Variants in RPS13 observed in about 807,000 individuals in gnomAD.
RPS13 encodes the protein ribosomal protein S13, also known as small ribosomal subunit protein uS15.
In RPS13, 1 loss-of-function variant was observed where a neutral mutation model predicts 24.6. That is an observed-to-expected ratio of 0.04 (90% CI 0.01 to 0.19). The LOEUF is 0.19. Ranked by LOEUF, RPS13 falls within the 10% of genes least tolerant of loss-of-function variation. The pLI is 1.00. For missense variants in RPS13, 88 were observed against 187.4 expected (o/e 0.47, Z 3.10); for synonymous variants, 69 against 65.3 (o/e 1.06, Z -0.27).
At position 17,075,315 on chromosome 11, in the gene RPS13, T is replaced by G; in HGVS notation, c.322-118A>C. The G allele has an allele frequency of 4.0e-6, 4 of 996,372 alleles. No individual in the cohort carries two copies. In the South Asian group the frequency reaches 6.5e-5, roughly 16 times the overall value. The allele number at this position is 996,372 out of a possible 1,614,324, so 61.7% of individuals were successfully genotyped here. A position where few individuals can be genotyped will look rare whatever the true frequency, so the allele number is the denominator to read the frequency against. ...TTTCTATAATGAAAATCTCTTTGGA[T>G]AGAATTTGAACTTCAAAGCAGCACT... On this transcript the variant is annotated intron_variant, in intron 4 of 5. Transcript: ENST00000525634.
Position 17,077,197 on chromosome 11 carries a change from G to C in RPS13, c.122C>G (p.Ala41Gly). The change falls in exon 3 of 6, where the codon GCC (alanine) becomes GGC (glycine). Residue 41 changes from alanine (A) to glycine (G), a missense_variant. Physicochemically the swap from Ala to Gly is moderately conservative, Grantham distance 60 (BLOSUM62 0). Transcript: ENST00000525634. ...DDVKEQIYKL[A>G]KKGLTPSQIG... ...CTGTGAAGGAGTAAGGCCCTTCTTG[G>C]CCAGTTTGTAAATCTGCTCCTTCAC... 6.2e-7 allele frequency: 1 copy of C among 1,613,666 alleles called. No individual in the cohort carries two copies. The highest frequency in any genetic ancestry group is 8.5e-7 in the Non-Finnish European group (1 of 1,179,740).
chr11:17,075,056 C>T (rs1049753921), intron 5 of RPS13, 41 bp downstream of exon 5: 6 of 1,349,448 alleles, frequency 4.4e-6, no homozygotes, highest in Non-Finnish European at 6.3e-6. Context: ...TACTGGCTGA[C>T]TCCTATTCTT....
intron 5 of RPS13, 24 bp downstream of exon 5, chr11:17,075,073 A>G (rs367892898): frequency 1.2e-5 from 18 of 1,504,626 alleles, no homozygotes; most frequent in East Asian, 2.3e-5. Context: ...TCTTGATAAC[A>G]ACGACAAAAG....
At chr11:17,075,344 C>T (rs775784642) in intron 4 of RPS13, 110 bp downstream of exon 4, 1 of 1,045,094 alleles carries the variant, frequency 9.6e-7, no homozygotes, top group Non-Finnish European at 1.4e-6. Context: ...CAGCACTACA[C>T]TGGTTTGTGT....
Position 17,075,531 on chromosome 11 carries a change from G to A in RPS13, c.244C>T (p.Pro82Ser), listed in dbSNP as rs1351451134. 6.2e-7 allele frequency: 1 copy of A among 1,605,638 alleles called. No individual in the cohort carries two copies. The highest frequency in any genetic ancestry group is 2.2e-5 in the East Asian group (1 of 44,818). ...TGGTAGAGATCTTCAGGAAGATCAGGAGCAAGTCCCTTAGACTTAAGAATT... is the reference window on the plus strand; with the variant it reads ...TGGTAGAGATCTTCAGGAAGATCAGAAGCAAGTCCCTTAGACTTAAGAATT... ...LRILKSKGLA[P>S]DLPEDLYHLI... The change falls in exon 4 of 6, where the codon CCT (proline) becomes TCT (serine). Residue 82 changes from proline (P) to serine (S), a missense_variant. Transcript: ENST00000525634.
At chr11:17,074,596 C>A (rs1251718908) in intron 5 of RPS13, 130 bp from the exon 6 acceptor site, 23 of 777,592 alleles carry the variant, frequency 3.0e-5, no homozygotes, top group Non-Finnish European at 5.0e-5. Flanking sequence ...ATAAAGTGCA[C>A]CAAACTTCTG....
At position 17,077,452 on chromosome 11, in the gene RPS13, G is replaced by T. The variant is rs748494500; in HGVS notation, c.49C>A (p.Pro17Thr). The change falls in exon 2 of 6, where the codon CCC (proline) becomes ACC (threonine). Residue 17 changes from proline (P) to threonine (T), a missense_variant. Pro to Thr is a conservative substitution (Grantham distance 38). Transcript: ENST00000525634. ...PGKGLSQSAL[P>T]YRRSVPTWLK... is the part of the protein sequence containing the mutation. ...ACAGTGGGGACGCTGCGTCGATAGGGTAAAGCCGACTGGGACAGGCCCTTC... is the reference window on the plus strand; with the variant it reads ...ACAGTGGGGACGCTGCGTCGATAGGTTAAAGCCGACTGGGACAGGCCCTTC... 1 of 1,613,340 alleles carries T rather than the reference G, an allele frequency of 6.2e-7. No homozygotes were observed. Among genetic ancestry groups the T allele is most frequent in the South Asian group, 1.1e-5 (1 of 91,056 alleles).
chr11:17,075,333 G>A, intron 4 of RPS13, 121 bp downstream of exon 4: 1 of 987,826 alleles, frequency 1.0e-6, no homozygotes, highest in Non-Finnish European at 1.5e-6. Context: ...GAACTTCAAA[G>A]CAGCACTACA....
intron 3 of RPS13, 81 bp from the exon 4 acceptor site, chr11:17,075,704 G>A (rs1848015148): frequency 1.7e-6 from 2 of 1,145,838 alleles, no homozygotes; most frequent in African/African-American, 1.5e-5. Flanking sequence ...AGAAATCAGG[G>A]CATAGTTTCC....
chr11:17,076,966 G>A (rs1848032639), intron 3 of RPS13: 1 of 572,504 alleles, frequency 1.7e-6, no homozygotes, highest in South Asian at 2.2e-5. Flanking sequence ...TGTAAACTGG[G>A]GTGAAAGCCA....
At chr11:17,075,374 A>G in intron 4 of RPS13, 80 bp downstream of exon 4, 1 of 1,191,854 alleles carries the variant, frequency 8.4e-7, no homozygotes, top group Non-Finnish European at 1.2e-6. Flanking sequence ...TGGATAATTC[A>G]AACCAGATGC....
At chr11:17,075,802 T>C (rs1461735796) in intron 3 of RPS13, 179 bp from the exon 4 acceptor site, 1 of 692,158 alleles carries the variant, frequency 1.4e-6, no homozygotes. Context: ...CAAGGAAGGT[T>C]TACCCAACAC....
chr11:17,077,127 G>T, intron 3 of RPS13, 41 bp downstream of exon 3: 1 of 1,446,684 alleles, frequency 6.9e-7, no homozygotes, highest in Non-Finnish European at 9.7e-7. Context: ...CAAGTCACAC[G>T]AGGACAGGCG....
In RPS13 at chr11:17,077,216, C is replaced by T; in HGVS notation, c.103G>A (p.Glu35Lys). ...WLKLTSDDVKEQIYKLAKKGL... is the reference protein window; with the variant it reads ...WLKLTSDDVKKQIYKLAKKGL... ...TTCTTGGCCAGTTTGTAAATCTGCT[C>T]CTTCACGTCGTCAGATGTCAACTTC... The change falls in exon 3 of 6, where the codon GAG (glutamate) becomes AAG (lysine). Residue 35 changes from glutamate to lysine, a missense_variant. Glu to Lys is a moderately conservative substitution (Grantham distance 56, BLOSUM62 1). Coordinates refer to ENST00000525634, the MANE Select transcript of RPS13 (RefSeq NM_001017.3). The T allele has an allele frequency of 1.2e-6, 2 of 1,613,972 alleles. No homozygotes were observed. The highest frequency in any genetic ancestry group is 1.3e-5 in the African/African-American group (1 of 74,972).
intron 2 of RPS13, 30 bp downstream of exon 2, chr11:17,077,399 G>C: frequency 6.3e-7 from 1 of 1,598,900 alleles, no homozygotes; most frequent in Non-Finnish European, 8.5e-7. Context: ...CCCCTCCCCG[G>C]ATTCTCCCCG....
intron 3 of RPS13, 102 bp downstream of exon 3, chr11:17,077,066 G>T: frequency 1.2e-6 from 1 of 854,140 alleles, no homozygotes; most frequent in South Asian, 1.4e-5. Context: ...ACGGTGGCGA[G>T]ACCAGAGTTT....
chr11:17,074,562 A>C, intron 5 of RPS13, 96 bp from the exon 6 acceptor site: 1 of 957,428 alleles, frequency 1.0e-6, no homozygotes, highest in Non-Finnish European at 1.7e-6. Context: ...TGCTATTCTC[A>C]AACAGTTAAT....
rs747418233 is a variant in RPS13, at chr11:17,077,260, G to A, written c.73-14C>T. On this transcript the variant is annotated splice_polypyrimidine_tract_variant and intron_variant, in intron 2 of 5. Transcript: ENST00000525634. Reference sequence around the variant, plus strand: ...CAACTTCAACCACTGTTATGGAATAGAAAGCAGCCTTAGGATGAGAACCCA... The same window carrying A: ...CAACTTCAACCACTGTTATGGAATAAAAAGCAGCCTTAGGATGAGAACCCA... 2.5e-5 allele frequency: 40 copies of A among 1,612,200 alleles called. No individual in the cohort carries two copies. Among genetic ancestry groups the A allele is most frequent in the Admixed American group, 3.3e-5 (2 of 59,978 alleles).
At chr11:17,074,873 T>G (rs1354251552) in intron 5 of RPS13, 2 of 605,590 alleles carry the variant, frequency 3.3e-6, no homozygotes, top group African/African-American at 1.9e-5. Flanking sequence ...TATGGCCCTC[T>G]GCTTGTCTTT....
Sources: allele counts gnomAD v4.1 joint callset, GRCh38; gene constraint gnomAD v4.1.1; transcripts MANE v1.5; gene names NCBI Gene and HGNC (gene_info 2026-07-23, HGNC 2026-07-21).